Variants in RBBP8NL observed in about 807,000 individuals in gnomAD.
The protein encoded by RBBP8NL is RBBP8 N-terminal like.
In RBBP8NL, 59 loss-of-function variants were observed where a neutral mutation model predicts 62.2. That is an observed-to-expected ratio of 0.95 (90% confidence interval 0.77 to 1.18). The LOEUF is 1.18. Among genes scored for constraint, RBBP8NL ranks in the 50% most tolerant of loss-of-function variants. The pLI is 0.00. For synonymous variants in RBBP8NL, 412 were observed against 394.1 expected, an observed-to-expected ratio of 1.05 and a Z score of -0.54; for missense variants, 896 against 899.5, an observed-to-expected ratio of 1.00 and a Z score of 0.05.
chr20:62,417,165 T>C, intron 4 of RBBP8NL, 59 bp downstream of exon 4: 2 of 1,301,206 alleles, frequency 1.5e-6, no homozygotes, highest in Non-Finnish European at 2.2e-6. Flanking sequence ...CCCTGTCACC[T>C]CCTCCTCTCC....
intron 3 of RBBP8NL, 89 bp downstream of exon 3, chr20:62,418,334 C>T (rs892840784): frequency 1.4e-5 from 17 of 1,241,694 alleles, no homozygotes; most frequent in South Asian, 2.6e-5. Context: ...CACCATAGGA[C>T]GGTGGTAGTG....
At chr20:62,422,289 G>A (rs911753377) in intron 1 of RBBP8NL, among the ~76,000 whole-genome samples, 4 of 152,002 alleles carry the variant, frequency 2.6e-5, no homozygotes, top group Non-Finnish European at 5.9e-5. Context: ...CTACAGAACC[G>A]TCCCGAACAG....
chr20:62,423,642 G>A (rs919431304), intron 1 of RBBP8NL, among the ~76,000 whole-genome samples: 1 of 152,216 alleles, frequency 6.6e-6, no homozygotes, highest in African/African-American at 2.4e-5. Context: ...GGGTCCACAC[G>A]AGAGGTGGGC....
chr20:62,410,873 G>T lies in RBBP8NL; in HGVS notation c.*5C>A. 1.2e-6 allele frequency: 2 copies of T among 1,600,436 alleles called. No homozygotes were observed. The highest frequency in any genetic ancestry group is 1.7e-6 in the Non-Finnish European group (2 of 1,169,178). Reference sequence around the variant, plus strand: ...GGGCTCGCTGTGGACCCTGGTGCAGGCTGGCTAGGTCTCCTCCCAGGGGCT... The same window carrying T: ...GGGCTCGCTGTGGACCCTGGTGCAGTCTGGCTAGGTCTCCTCCCAGGGGCT... On this transcript the variant is annotated 3_prime_UTR_variant, in exon 14 of 14. Transcript: ENST00000252998.
chr20:62,422,634 G>A (rs1293227891), intron 1 of RBBP8NL, among the ~76,000 whole-genome samples: 2 of 138,332 alleles, frequency 1.4e-5, no homozygotes, highest in Non-Finnish European at 3.2e-5. Context: ...GTGGGGATGG[G>A]GCCCGGGGTG....
At position 62,412,716 on chromosome 20, in the gene RBBP8NL, G is replaced by C. The variant is rs760637258; in HGVS notation, c.1784C>G (p.Thr595Arg). Residue 595 changes from threonine to arginine, a missense_variant, in exon 13 of 14, where the codon ACG becomes AGG. By Grantham distance (71) the Thr-to-Arg change is moderately conservative. Transcript: ENST00000252998. ...GATGCACTCAGGCCCCTCCCCGGTC[G>C]TGCTCGTAGTGGCCTCCGCCTGGGA... is the stretch of plus-strand genomic sequence containing the variant. ...LSSQAEATTS[T>R]TGEGPECICT... The C allele has an allele frequency of 6.2e-7, 1 of 1,610,910 alleles. No homozygotes were observed. Among genetic ancestry groups the C allele is most frequent in the Non-Finnish European group, 8.5e-7 (1 of 1,179,962 alleles).
chr20:62,413,459 T>C lies in RBBP8NL; in HGVS notation c.1617A>G (p.Pro539=). 1 of 1,461,754 alleles carries C rather than the reference T, an allele frequency of 6.8e-7. No homozygotes were observed. Among genetic ancestry groups the C allele is most frequent in the Non-Finnish European group, 9.0e-7 (1 of 1,110,408 alleles). The allele number at this position is 1,461,754 out of a possible 1,614,324, so 90.5% of individuals were successfully genotyped here. The change falls in exon 11 of 14, where the codon CCA becomes CCG. Residue 539 remains proline, a synonymous_variant. Coordinates refer to ENST00000252998, the MANE Select transcript of RBBP8NL (RefSeq NM_080833.3). ...TEDEDTGRPL[P]PPHPQPPPHP... ...GGGGAGGCGGCTGTGGGTGGGGAGG[T>C]GGCAGAGGCCTCCCTGTGTCTTCAT...
Position 62,413,521 on chromosome 20 carries a change from A to G in RBBP8NL, c.1555T>C (p.Ser519Pro). The part of the protein sequence containing the change: ...PMDPSRPLPG[S>P]QLSLSSPGST... ...CCTGGAGAGGACAGGCTGAGCTGGG[A>G]CCCTGGAAGTGGGCGTGAGGGGTCC... The change falls in exon 11 of 14, where the codon TCC (serine) becomes CCC (proline). Residue 519 changes from serine (S) to proline (P), a missense_variant. By Grantham distance (74) the Ser-to-Pro change is moderately conservative (BLOSUM62 -1). Transcript: ENST00000252998. 6.6e-7 allele frequency: 1 copy of G among 1,521,030 alleles called. No individual in the cohort carries two copies. The highest frequency in any genetic ancestry group is 8.8e-7 in the Non-Finnish European group (1 of 1,141,046). 94.2% of individuals were successfully genotyped at this position (1,521,030 alleles called of 1,614,324 possible).
chr20:62,425,036 G>A (rs1322135888), intron 1 of RBBP8NL, among the ~76,000 whole-genome samples: 8 of 152,148 alleles, frequency 5.3e-5, no homozygotes, highest in East Asian at 1.9e-4. Context: ...CTCTCTATGC[G>A]GCCTTGGGCA....
At position 62,413,461 on chromosome 20, in the gene RBBP8NL, G is replaced by T. The variant is rs752505704; in HGVS notation, c.1615C>A (p.Pro539Thr). 6.8e-7 allele frequency: 1 copy of T among 1,475,984 alleles called. No homozygotes were observed. The highest frequency in any genetic ancestry group is 8.9e-7 in the Non-Finnish European group (1 of 1,117,800). 91.4% of individuals were successfully genotyped at this position (1,475,984 alleles called of 1,614,324 possible). The change falls in exon 11 of 14, where the codon CCA (proline) becomes ACA (threonine). Residue 539 changes from proline to threonine, a missense_variant. Coordinates refer to ENST00000252998, the MANE Select transcript of RBBP8NL (RefSeq NM_080833.3). ...TEDEDTGRPL[P>T]PPHPQPPPHP... ...GGAGGCGGCTGTGGGTGGGGAGGTG[G>T]CAGAGGCCTCCCTGTGTCTTCATCT...
Position 62,413,220 on chromosome 20 carries a change from G to A in RBBP8NL, c.1675+181C>T, listed in dbSNP as rs184753615. 2.1e-3 allele frequency among the ~76,000 whole-genome samples: 316 copies of A among 152,362 alleles called. 1 individual carries two copies. The highest frequency in any genetic ancestry group is 6.5e-3 in the African/African-American group (270 of 41,594). On this transcript the variant is annotated intron_variant, in intron 11 of 13. Coordinates refer to ENST00000252998, the MANE Select transcript of RBBP8NL (RefSeq NM_080833.3). ...TTAGAGAGGCTCCTGCCAGGCCCTC[G>A]GCTTCCTCCGGTGTCTGCAGGTGGA...
At position 62,414,218 on chromosome 20, in the gene RBBP8NL, T is replaced by C. The variant is rs1228970409; in HGVS notation, c.1133A>G (p.Gln378Arg). Residue 378 changes from glutamine to arginine, a missense_variant, in exon 10 of 14, where the codon CAG becomes CGG. Coordinates refer to ENST00000252998, the MANE Select transcript of RBBP8NL (RefSeq NM_080833.3). Reference sequence around the variant, plus strand: ...GGGCAGCATCTCCCCGGGTGTGGGCTGGCCCCTTGGCCTGACACTGCCTGC... The same window carrying C: ...GGGCAGCATCTCCCCGGGTGTGGGCCGGCCCCTTGGCCTGACACTGCCTGC... ...ARAGSVRPRG[Q>R]PTPGEMLPSL... 1 of 1,604,498 alleles carries C rather than the reference T, an allele frequency of 6.2e-7. No homozygotes were observed. Among genetic ancestry groups the C allele is most frequent in the Non-Finnish European group, 8.5e-7 (1 of 1,176,612 alleles).
intron 5 of RBBP8NL, 151 bp downstream of exon 5, chr20:62,416,609 G>A: frequency 3.2e-6 from 2 of 628,128 alleles, no homozygotes; most frequent in South Asian, 3.8e-5. Context: ...GGCTTTGTGT[G>A]TTTGTCTGTA....
intron 1 of RBBP8NL, among the ~76,000 whole-genome samples, chr20:62,425,732 C>G (rs1988788625): frequency 6.6e-6 from 1 of 152,260 alleles, no homozygotes; most frequent in Non-Finnish European, 1.5e-5. Context: ...GCTCTCCACC[C>G]CAGCCACCGA....
chr20:62,426,570 C>T (rs1036541915), intron 1 of RBBP8NL, among the ~76,000 whole-genome samples: 4 of 152,250 alleles, frequency 2.6e-5, no homozygotes, highest in Non-Finnish European at 5.9e-5. Flanking sequence ...TGGACATGGC[C>T]TCAGAGTCTC....
chr20:62,411,554 T>A (rs576737927), intron 13 of RBBP8NL, among the ~76,000 whole-genome samples: 2 of 152,330 alleles, frequency 1.3e-5, no homozygotes, highest in African/African-American at 2.4e-5. Context: ...ACAGTGATGA[T>A]CCTACCTGCT....
intron 1 of RBBP8NL, among the ~76,000 whole-genome samples, chr20:62,422,294 G>C (rs73143500): frequency 0.16 from 24,406 of 151,942 alleles, 3,598 homozygotes; most frequent in African/African-American, 0.39. Flanking sequence ...GAACCGTCCC[G>C]AACAGGACCG....
At position 62,414,067 on chromosome 20, in the gene RBBP8NL, T is replaced by C. The variant is rs750632745; in HGVS notation, c.1284A>G (p.Thr428=). ...CACAGTCCTGCGTGGCTGCAGCCTC[T>C]GTCCTCTGGGCGCGGCCCGGGCCTG... The part of the protein sequence containing the change: ...QPAGPGRAQR[T]EAAATQDCAL... Residue 428 remains threonine, a synonymous_variant, in exon 10 of 14, where the codon ACA becomes ACG. Transcript: ENST00000252998. 6.3e-7 allele frequency: 1 copy of C among 1,596,448 alleles called. No homozygotes were observed. Among genetic ancestry groups the C allele is most frequent in the Non-Finnish European group, 8.5e-7 (1 of 1,173,254 alleles).
intron 4 of RBBP8NL, 150 bp downstream of exon 4, chr20:62,417,074 A>T: frequency 1.4e-6 from 1 of 708,066 alleles, no homozygotes; most frequent in Non-Finnish European, 2.3e-6. Flanking sequence ...CAATTTCCTT[A>T]AGGCTCTGAG....
Sources: gnomAD v4.1 joint callset for allele counts (sites outside exome capture counted in the v4.1 genomes callset) on GRCh38, gnomAD v4.1.1 for gene constraint, MANE v1.5 for transcripts, NCBI Gene and HGNC (gene_info 2026-07-23, HGNC 2026-07-21) for gene names.